The following SMG1 variants were observed in gnomAD, a reference collection of about 807,000 sequenced individuals.
SMG1 encodes serine/threonine-protein kinase SMG1.
In SMG1, 22 loss-of-function variants were observed where a neutral mutation model predicts 419.9. The observed-to-expected ratio is 0.05, with a 90% CI of 0.04 to 0.07. The LOEUF is 0.07. Ranked by LOEUF, SMG1 falls within the 10% of genes least tolerant of loss-of-function variation. The pLI, the probability that SMG1 is intolerant of heterozygous loss-of-function variation, is 1.00. For missense variants in SMG1, 3,185 were observed against 4,342.0 expected (o/e 0.73, Z 7.49); for synonymous variants, 1,538 against 1,553.5 (o/e 0.99, Z 0.23).
At chr16:18,815,696 A>G in intron 58 of SMG1, 45 bp from the exon 59 acceptor site, 1 of 1,527,822 alleles carries the variant, frequency 6.5e-7, no homozygotes. Flanking sequence ...TTTTAGTATC[A>G]GTAATTACTC....
intron 23 of SMG1, among the ~76,000 whole-genome samples, chr16:18,865,657 T>C (rs192091293): frequency 0.011 from 1,618 of 151,080 alleles, 33 homozygotes; most frequent in African/African-American, 0.037. Flanking sequence ...ATATTTAACA[T>C]GGCAATTTTT....
intron 48 of SMG1, among the ~76,000 whole-genome samples, 196 bp downstream of exon 48, chr16:18,835,737 G>C (rs1018302451): frequency 1.3e-5 from 2 of 152,042 alleles, no homozygotes; most frequent in African/African-American, 2.4e-5. Context: ...AACCCCGTCT[G>C]TACTAAAAAG....
chr16:18,833,456 C>A (rs1289354918), intron 50 of SMG1, among the ~76,000 whole-genome samples: 4 of 151,376 alleles, frequency 2.6e-5, no homozygotes, highest in Non-Finnish European at 4.4e-5. Context: ...AAAGAACTGC[C>A]CTAAAGTATG....
At chr16:18,885,961 T>TAATA (rs920666108) in intron 6 of SMG1, among the ~76,000 whole-genome samples, 1 of 151,928 alleles carries the variant, frequency 6.6e-6, no homozygotes, top group Non-Finnish European at 1.5e-5. Context: ...AAATAATAAT[T>TAATA]AATAAATAAA....
intron 1 of SMG1, among the ~76,000 whole-genome samples, chr16:18,913,985 A>G (rs916969331): frequency 6.6e-6 from 1 of 152,022 alleles, no homozygotes; most frequent in Non-Finnish European, 1.5e-5. Flanking sequence ...TGGCTAACAC[A>G]GTGAAACCCT....
At chr16:18,876,064 T>C in intron 13 of SMG1, 60 bp downstream of exon 13, 2 of 1,554,948 alleles carry the variant, frequency 1.3e-6, no homozygotes, top group Non-Finnish European at 1.8e-6. Flanking sequence ...AATACATAAA[T>C]ATGTAATGAG....
chr16:18,850,492 G>C (rs1313628520), intron 33 of SMG1, 25 bp from the exon 34 acceptor site: 7 of 1,519,634 alleles, frequency 4.6e-6, no homozygotes, highest in Non-Finnish European at 6.4e-6. Context: ...TGCACAAAAT[G>C]CTATTTTAAA....
At chr16:18,861,732 C>A (rs887825614) in intron 25 of SMG1, among the ~76,000 whole-genome samples, 5 of 152,168 alleles carry the variant, frequency 3.3e-5, no homozygotes, top group African/African-American at 9.7e-5. Flanking sequence ...TTCCCCAAGT[C>A]CCCACTATGC....
chr16:18,926,177 G>GAGGAGA lies in SMG1; in HGVS notation c.-142_-137dup. On this transcript the variant is annotated 5_prime_UTR_variant, in exon 1 of 63. Transcript: ENST00000446231. ...CGAGAAGGAGGAGGAGGAGGAGGAG[G>GAGGAGA]AGGAGAAGGAGGAGGCGGCGGAGGG... 1.4e-6 allele frequency: 1 copy of GAGGAGA among 725,232 alleles called. No individual in the cohort carries two copies. The highest frequency in any genetic ancestry group is 2.1e-6 in the Non-Finnish European group (1 of 467,376). The allele number at this position is 725,232 out of a possible 1,614,324, so 44.9% of individuals were successfully genotyped here. A position where few individuals can be genotyped will look rare whatever the true frequency, so the allele number is the denominator to read the frequency against.
intron 12 of SMG1, among the ~76,000 whole-genome samples, 178 bp downstream of exon 12, chr16:18,876,953 A>C (rs1042473255): frequency 1.3e-5 from 2 of 152,176 alleles, no homozygotes; most frequent in African/African-American, 2.4e-5. Context: ...ATCATTCATG[A>C]AAGTATTCAG....
intron 28 of SMG1, 36 bp from the exon 29 acceptor site, chr16:18,858,326 C>T: frequency 1.3e-6 from 2 of 1,567,048 alleles, no homozygotes; most frequent in Non-Finnish European, 1.7e-6. Flanking sequence ...CAACATAAAA[C>T]AGGCTGTTGA....
intron 1 of SMG1, among the ~76,000 whole-genome samples, chr16:18,922,388 T>C (rs1462588135): frequency 1.3e-5 from 2 of 152,222 alleles, no homozygotes; most frequent in Non-Finnish European, 2.9e-5. Flanking sequence ...AGGCATCCAG[T>C]GGTTCCCAAA....
In SMG1 at chr16:18,870,723, C is replaced by T. The variant is rs372478473; in HGVS notation, c.2391-12G>A. 100 of 1,598,366 alleles carry T rather than the reference C, an allele frequency of 6.3e-5. No homozygotes were observed. The highest frequency in any genetic ancestry group is 6.0e-4 in the Admixed American group (35 of 58,358). On this transcript the variant is annotated splice_polypyrimidine_tract_variant and intron_variant, in intron 17 of 62. Coordinates refer to ENST00000446231, the MANE Select transcript of SMG1 (RefSeq NM_015092.5). The stretch of plus-strand genomic sequence containing the variant: ...AAACATCGACACATCTATGAAAGAA[C>T]GAAATAGACAAAGCAGGTGTGTTAA...
rs1212589687 is a variant in SMG1 at position 18,874,580 on chromosome 16, A to G, written c.1890+1544T>C. Among the ~76,000 whole-genome samples, 426 of 123,316 alleles carry G rather than the reference A, an allele frequency of 3.5e-3. 1 individual carries two copies. Among genetic ancestry groups the G allele is most frequent in the African/African-American group, 0.012 (391 of 33,602 alleles). 80.9% of individuals were successfully genotyped at this position (123,316 alleles called of 152,430 possible). ...TTACTTAAAAAAAAAAAAAAAAAAAAGCAGGCTGGGCGCGGTGGCTCACGC... is the reference window on the plus strand; with the variant it reads ...TTACTTAAAAAAAAAAAAAAAAAAAGGCAGGCTGGGCGCGGTGGCTCACGC... On this transcript the variant is annotated intron_variant, in intron 13 of 62. Coordinates refer to ENST00000446231, the MANE Select transcript of SMG1 (RefSeq NM_015092.5).
chr16:18,848,200 A>G (rs1231421896), intron 36 of SMG1, among the ~76,000 whole-genome samples, 167 bp from the exon 37 acceptor site: 1 of 152,212 alleles, frequency 6.6e-6, no homozygotes, highest in Non-Finnish European at 1.5e-5. Flanking sequence ...GCCTTTTTAT[A>G]GGTTGAGCTT....
At chr16:18,879,389 AC>A (rs2036286605) in intron 11 of SMG1, 105 bp downstream of exon 11, 1 of 1,074,414 alleles carries the variant, frequency 9.3e-7, no homozygotes, top group African/African-American at 1.6e-5. Context: ...TGCTGGGATT[AC>A]AAGCATGAGC....
chr16:18,849,023 T>C (rs1486109443), intron 36 of SMG1, among the ~76,000 whole-genome samples, 194 bp downstream of exon 36: 1 of 127,850 alleles, frequency 7.8e-6, no homozygotes, highest in Non-Finnish European at 1.5e-5. Flanking sequence ...TGAGCTGAGA[T>C]GGTGCCACTG....
At chr16:18,901,872 G>C (rs1433539953) in intron 1 of SMG1, among the ~76,000 whole-genome samples, 1 of 150,382 alleles carries the variant, frequency 6.6e-6, no homozygotes, top group African/African-American at 2.4e-5. Context: ...AGCTACTCAG[G>C]AGGCTGAGGT....
intron 44 of SMG1, 50 bp downstream of exon 44, chr16:18,838,307 T>C (rs1272130572): frequency 6.2e-7 from 1 of 1,607,160 alleles, no homozygotes; most frequent in Non-Finnish European, 8.5e-7. Context: ...ATTCCACAGG[T>C]TTTGCTCATT....
Sources: allele counts gnomAD v4.1 joint callset (sites outside exome capture counted in the v4.1 genomes callset), GRCh38; gene constraint gnomAD v4.1.1; transcripts MANE v1.5; gene names NCBI Gene and HGNC (gene_info 2026-07-23, HGNC 2026-07-21).